UEVLD: variants seen among roughly 807,000 people sequenced by gnomAD.
UEVLD encodes UEV and lactate/malate dehyrogenase domains.
Under a neutral mutation model 58.6 loss-of-function variants are expected in UEVLD, and 47 were observed. That is an observed-to-expected ratio of 0.80 (90% CI 0.63 to 1.02). The LOEUF is 1.02. UEVLD is among the 50% of genes least tolerant of loss of function. The pLI is 0.00. For missense variants in UEVLD, 510 were observed against 550.6 expected (o/e 0.93, Z 0.74); for synonymous variants, 197 against 195.3 (o/e 1.01, Z -0.07).
chr11:18,575,747 A>G (rs550261448), intron 2 of UEVLD, among the ~76,000 whole-genome samples: 1 of 152,344 alleles, frequency 6.6e-6, no homozygotes, highest in African/African-American at 2.4e-5. Context: ...AATAAAGATA[A>G]TAAGACTGCC....
chr11:18,575,941 C>T (rs1852884875), intron 2 of UEVLD, among the ~76,000 whole-genome samples: 1 of 152,176 alleles, frequency 6.6e-6, no homozygotes, highest in African/African-American at 2.4e-5. Flanking sequence ...TGATCGACGG[C>T]CTTTTCCCAT....
chr11:18,575,938 C>T (rs949172949), intron 2 of UEVLD, among the ~76,000 whole-genome samples: 3 of 152,178 alleles, frequency 2.0e-5, no homozygotes, highest in African/African-American at 2.4e-5. Flanking sequence ...GAGTGATCGA[C>T]GGCCTTTTCC....
In UEVLD at chr11:18,534,198, C is replaced by T. The variant is rs766861213; in HGVS notation, c.1248+132G>A. ...GATAGGGCTTAAACTAAACTGCCTT[C>T]TCCTACCTGTTACTCTAAAAGCTGG... On this transcript the variant is annotated intron_variant, in intron 11 of 11. Coordinates refer to ENST00000396197, the MANE Select transcript of UEVLD (RefSeq NM_001040697.4). The T allele has an allele frequency of 8.2e-5, 53 of 649,112 alleles. No individual in the cohort carries two copies. In the Middle Eastern group the frequency reaches 1.3e-3, roughly 16 times the overall value. The allele number at this position is 649,112 out of a possible 1,614,324, so 40.2% of individuals were successfully genotyped here. A position where few individuals can be genotyped will look rare whatever the true frequency, so the allele number is the denominator to read the frequency against.
rs75270371 is a variant in UEVLD at position 18,581,903 on chromosome 11, T to C, written c.43-3095A>G. ...CAGATTTATATGAGTAGAGTAGACATAGAAAGTAATTATGATCCACAGCAC... is the reference window on the plus strand; with the variant it reads ...CAGATTTATATGAGTAGAGTAGACACAGAAAGTAATTATGATCCACAGCAC... On this transcript the variant is annotated intron_variant, in intron 1 of 11. Transcript: ENST00000396197. 3.9e-3 allele frequency among the ~76,000 whole-genome samples: 597 copies of C among 152,220 alleles called. 6 individuals carry two copies. The highest frequency in any genetic ancestry group is 0.014 in the African/African-American group (580 of 41,544).
intron 6 of UEVLD, among the ~76,000 whole-genome samples, chr11:18,559,966 A>T (rs772099287): frequency 6.6e-6 from 1 of 151,620 alleles, no homozygotes; most frequent in South Asian, 2.1e-4. Context: ...TGGTAAAGAA[A>T]ACAACCCTGG....
chr11:18,561,366 G>A (rs765645736), intron 6 of UEVLD, among the ~76,000 whole-genome samples: 3 of 151,978 alleles, frequency 2.0e-5, no homozygotes, highest in Non-Finnish European at 4.4e-5. Flanking sequence ...GGCTGAGGCT[G>A]GTGCATCACC....
At chr11:18,558,408 A>T in intron 6 of UEVLD, 78 bp from the exon 7 acceptor site, 1 of 961,798 alleles carries the variant, frequency 1.0e-6, no homozygotes. Context: ...TGAGGACTAA[A>T]GGACAATAAA....
In UEVLD at chr11:18,567,183, T is replaced by C. The variant is rs113129575; in HGVS notation, c.358-701A>G. Among the ~76,000 whole-genome samples, 11 of 152,322 alleles carry C rather than the reference T, an allele frequency of 7.2e-5. 1 individual carries two copies. The highest frequency in any genetic ancestry group is 2.6e-4 in the African/African-American group (11 of 41,582). On this transcript the variant is annotated intron_variant, in intron 4 of 11. Transcript: ENST00000396197. ...AATCAGAAAATTAACACTAATAGTA[T>C]CTAATCTGGTACTGTATTCTTTTAA...
chr11:18,581,123 T>C (rs1468493521), intron 1 of UEVLD, among the ~76,000 whole-genome samples: 4 of 147,880 alleles, frequency 2.7e-5, no homozygotes, highest in African/African-American at 5.0e-5. Context: ...GATGGTGCCA[T>C]TGCACTCCAG....
At chr11:18,584,385 TA>T (rs1209601621) in intron 1 of UEVLD, among the ~76,000 whole-genome samples, 2 of 151,762 alleles carry the variant, frequency 1.3e-5, no homozygotes, top group Non-Finnish European at 2.9e-5. Flanking sequence ...TCTGTCTCTT[TA>T]AAAAAAAGAA....
chr11:18,566,141 T>C (rs1393508705), intron 5 of UEVLD, among the ~76,000 whole-genome samples: 1 of 152,040 alleles, frequency 6.6e-6, no homozygotes, highest in Non-Finnish European at 1.5e-5. Flanking sequence ...TCAGGTGATC[T>C]GCCTGCCTCA....
chr11:18,572,432 C>A (rs1481871047), intron 3 of UEVLD, among the ~76,000 whole-genome samples: 1 of 152,144 alleles, frequency 6.6e-6, no homozygotes, highest in Non-Finnish European at 1.5e-5. Context: ...TTCATCCCTT[C>A]CCAAATGTTT....
In UEVLD at chr11:18,532,275, T is replaced by TAGAA. The variant is rs746267540; in HGVS notation, c.*44_*45insTTCT. 45 of 1,534,478 alleles carry TAGAA rather than the reference T, an allele frequency of 2.9e-5. No individual in the cohort carries two copies. Among genetic ancestry groups the TAGAA allele is most frequent in the Admixed American group, 1.1e-4 (5 of 46,686 alleles). ...TATATATAGGTAAAATTAAATGACTTTTCCCTTTAGGTAGAAGTCCAGCCT... is the reference window on the plus strand; with the variant it reads ...TATATATAGGTAAAATTAAATGACTTAGAATTCCCTTTAGGTAGAAGTCCAGCCT... On this transcript the variant is annotated 3_prime_UTR_variant, in exon 12 of 12. Coordinates refer to ENST00000396197, the MANE Select transcript of UEVLD (RefSeq NM_001040697.4).
rs147348287 is a variant in UEVLD, at chr11:18,550,644, G to A, written c.716-3594C>T. 7.9e-5 allele frequency among the ~76,000 whole-genome samples: 12 copies of A among 152,240 alleles called. No individual in the cohort carries two copies. The East Asian group carries it at 1.3e-3, about 17-fold the overall frequency. Reference sequence around the variant, plus strand: ...GCAATCTCTGTCTCCACCCAACTTCGAGTCCTCACTGTCTGGACCACTCTC... The same window carrying A: ...GCAATCTCTGTCTCCACCCAACTTCAAGTCCTCACTGTCTGGACCACTCTC... On this transcript the variant is annotated intron_variant, in intron 7 of 11. Transcript: ENST00000396197.
At chr11:18,573,467 G>T (rs917521745) in intron 3 of UEVLD, among the ~76,000 whole-genome samples, 1 of 152,068 alleles carries the variant, frequency 6.6e-6, no homozygotes, top group African/African-American at 2.4e-5. Context: ...AAGGGGAACA[G>T]GTCTGAGTAA....
intron 2 of UEVLD, among the ~76,000 whole-genome samples, chr11:18,576,711 A>C (rs1422541092): frequency 1.3e-5 from 2 of 152,096 alleles, no homozygotes; most frequent in African/African-American, 4.8e-5. Flanking sequence ...AAACTGGCTC[A>C]TCTGATCTTG....
intron 5 of UEVLD, among the ~76,000 whole-genome samples, chr11:18,565,890 CT>C (rs1220737886): frequency 2.5e-5 from 3 of 120,722 alleles, no homozygotes; most frequent in South Asian, 2.6e-4. Flanking sequence ...AAAGGAATTA[CT>C]TTTTTTTTCT....
chr11:18,561,518 A>C (rs1852031902), intron 6 of UEVLD, among the ~76,000 whole-genome samples: 1 of 150,738 alleles, frequency 6.6e-6, no homozygotes, highest in Non-Finnish European at 1.5e-5. Flanking sequence ...AATCGCTTGA[A>C]CCCGGGAGGC....
intron 2 of UEVLD, among the ~76,000 whole-genome samples, chr11:18,577,233 A>G (rs976026086): frequency 6.6e-6 from 1 of 152,208 alleles, no homozygotes; most frequent in African/African-American, 2.4e-5. Context: ...AAACAAACCA[A>G]AAAACAAAAA....
Sources: gnomAD v4.1 joint callset for allele counts (sites outside exome capture counted in the v4.1 genomes callset) on GRCh38, gnomAD v4.1.1 for gene constraint, MANE v1.5 for transcripts, NCBI Gene and HGNC (gene_info 2026-07-23, HGNC 2026-07-21) for gene names.